Variants in CSMD2 observed in about 807,000 individuals in gnomAD.
CSMD2 encodes the protein CUB and Sushi multiple domains 2, also known as CUB and sushi domain-containing protein 2.
CSMD2 carries 130 observed loss-of-function variants against 398.5 expected under a neutral mutation model. The observed-to-expected ratio is 0.33, with a 90% confidence interval of 0.28 to 0.38. The LOEUF is 0.38. Ranked by LOEUF, CSMD2 falls within the 10% of genes least tolerant of loss-of-function variation. The probability of loss-of-function intolerance (pLI) is 1.00; values close to 1 mark genes in which losing one functional copy is unlikely to be tolerated. For missense variants in CSMD2, 3,829 were observed against 4,764.9 expected (o/e 0.80, Z 5.78); for synonymous variants, 1,828 against 1,908.5 (o/e 0.96, Z 1.10).
At chr1:34,066,932 T>G (rs903952945) in intron 2 of CSMD2, among the ~76,000 whole-genome samples, 2 of 152,096 alleles carry the variant, frequency 1.3e-5, no homozygotes, top group Non-Finnish European at 2.9e-5. Flanking sequence ...CTGGAAATGA[T>G]AGTGAAGCAA....
chr1:34,114,893 AAGTT>A (rs1247138817), intron 1 of CSMD2, among the ~76,000 whole-genome samples: 3 of 152,296 alleles, frequency 2.0e-5, no homozygotes, highest in East Asian at 3.9e-4. Context: ...TATCAACAAA[AAGTT>A]AGAAACTATA....
chr1:33,546,350 T>C, intron 56 of CSMD2, 131 bp from the exon 57 acceptor site: 2 of 805,730 alleles, frequency 2.5e-6, no homozygotes, highest in Non-Finnish European at 1.9e-6. Context: ...TAGCACAAGT[T>C]ACCTGCACAT....
intron 3 of CSMD2, among the ~76,000 whole-genome samples, chr1:33,980,714 A>G (rs1406365467): frequency 6.6e-6 from 1 of 152,202 alleles, no homozygotes. Context: ...CTAGAAGATT[A>G]GAGTCTAGTA....
chr1:34,159,340 C>CCCCCG (rs1557450794), intron 1 of CSMD2, among the ~76,000 whole-genome samples: 4 of 124,138 alleles, frequency 3.2e-5, no homozygotes, highest in Non-Finnish European at 5.0e-5. Flanking sequence ...CCCCCCCCCA[C>CCCCCG]CCAGGAGCTT....
intron 13 of CSMD2, among the ~76,000 whole-genome samples, chr1:33,765,710 A>G (rs1650403106): frequency 6.6e-6 from 1 of 152,260 alleles, no homozygotes; most frequent in South Asian, 2.1e-4. Flanking sequence ...ATGTAAGACA[A>G]CTATACAATG....
intron 6 of CSMD2, among the ~76,000 whole-genome samples, chr1:33,832,806 T>A (rs1443333696): frequency 6.6e-6 from 1 of 151,690 alleles, no homozygotes; most frequent in Non-Finnish European, 1.5e-5. Flanking sequence ...CAATAAAAAA[T>A]GATAAAGGGG....
chr1:34,162,194 A>AAG (rs1641399435), intron 1 of CSMD2, among the ~76,000 whole-genome samples: 1 of 132,006 alleles, frequency 7.6e-6, no homozygotes, highest in Non-Finnish European at 1.6e-5. Flanking sequence ...AAAAAAAAAA[A>AAG]GGGAGGATGA....
chr1:33,817,581 T>C (rs1481253939), intron 9 of CSMD2, among the ~76,000 whole-genome samples: 1 of 152,186 alleles, frequency 6.6e-6, no homozygotes, highest in Non-Finnish European at 1.5e-5. Flanking sequence ...CTGCAGCAAC[T>C]AGAGGCTGAG....
Position 33,541,134 on chromosome 1 carries a change from G to A in CSMD2, c.9453C>T (p.Cys3151=), listed in dbSNP as rs1201191645. The change falls in exon 59 of 71, where the codon TGC becomes TGT. Residue 3151 remains cysteine, a synonymous_variant. Coordinates refer to ENST00000373381, the MANE Select transcript of CSMD2 (RefSeq NM_001281956.2). ...CATTTGCAGCCCCAGACACACCTTT[G>A]CAGACGGGCTTGGTTCCATTCCATG... ...DRTWNGTKPV[C]KALMCKPPPL... 9 of 1,613,728 alleles carry A rather than the reference G, an allele frequency of 5.6e-6. No homozygotes were observed. The Admixed American group carries it at 1.0e-4, about 18-fold the overall frequency.
rs186867939 is a variant in CSMD2 at position 33,909,055 on chromosome 1, C to T, written c.920+9039G>A. ...AGGTCTGAGGCTCGGTTAGAATGGG[C>T]CTTATTCGCTTACCAGCTCAGCCAA... On this transcript the variant is annotated intron_variant, in intron 5 of 70. Transcript: ENST00000373381. Among the ~76,000 whole-genome samples, 16 of 152,258 alleles carry T rather than the reference C, an allele frequency of 1.1e-4. No homozygotes were observed. In the East Asian group the frequency reaches 2.5e-3, roughly 24 times the overall value.
chr1:33,633,525 G>A lies in CSMD2; in HGVS notation c.5097C>T (p.Gly1699=), dbSNP rs1166090605. The change falls in exon 32 of 71, where the codon GGC becomes GGT. Residue 1699 remains glycine, a synonymous_variant. Transcript: ENST00000373381. This position sits in a 1 kb window ranked among gnomAD's most constrained non-coding sequence, Gnocchi z 5.0. Reference sequence around the variant, plus strand: ...GGGCCGTGTGAAAGAAGGCGAACTGGCCAAACACCACTGTGGAGGAGACAC... The same window carrying A: ...GGGCCGTGTGAAAGAAGGCGAACTGACCAAACACCACTGTGGAGGAGACAC... The part of the protein sequence containing the change: ...VTVPKDYVVF[G]QFAFFHTALN... The A allele has an allele frequency of 1.9e-6, 3 of 1,552,028 alleles. No individual in the cohort carries two copies. The highest frequency in any genetic ancestry group is 1.2e-5 in the South Asian group (1 of 84,086).
intron 32 of CSMD2, among the ~76,000 whole-genome samples, chr1:33,630,345 G>A (rs1177121776): frequency 1.3e-5 from 2 of 152,148 alleles, no homozygotes; most frequent in African/African-American, 2.4e-5. Context: ...AAATTCATTT[G>A]GTTGAGAATC....
At chr1:33,719,228 T>C (rs1646275411) in intron 19 of CSMD2, among the ~76,000 whole-genome samples, 1 of 152,220 alleles carries the variant, frequency 6.6e-6, no homozygotes, top group African/African-American at 2.4e-5. Context: ...TCTCAGTCTA[T>C]ACAGCTTAGG....
At chr1:33,754,374 T>A (rs2149281566) in intron 13 of CSMD2, among the ~76,000 whole-genome samples, 1 of 152,340 alleles carries the variant, frequency 6.6e-6, no homozygotes, top group South Asian at 2.1e-4. Context: ...TCTTGCCATG[T>A]GATACACTGG....
intron 2 of CSMD2, among the ~76,000 whole-genome samples, chr1:34,056,106 G>C (rs1020105210): frequency 2.0e-5 from 3 of 152,132 alleles, no homozygotes; most frequent in African/African-American, 4.8e-5. Context: ...TGGTACACTC[G>C]CTTCAGCTCC....
Position 33,935,657 on chromosome 1 carries a change from G to A in CSMD2, c.712+103C>T. ...TCCAGACTTGGGTACCCCCCTCCCTGCTGGGGTGTAGCTTTGCCCTTTGAG... is the reference window on the plus strand; with the variant it reads ...TCCAGACTTGGGTACCCCCCTCCCTACTGGGGTGTAGCTTTGCCCTTTGAG... On this transcript the variant is annotated intron_variant, in intron 4 of 70. Transcript: ENST00000373381. 3 of 1,245,252 alleles carry A rather than the reference G, an allele frequency of 2.4e-6. No individual in the cohort carries two copies. In the South Asian group the frequency reaches 4.7e-5, roughly 19 times the overall value. The allele number at this position is 1,245,252 out of a possible 1,614,324, so 77.1% of individuals were successfully genotyped here.
chr1:33,685,748 TTC>T (rs896616988), intron 25 of CSMD2, among the ~76,000 whole-genome samples: 5 of 152,204 alleles, frequency 3.3e-5, no homozygotes, highest in African/African-American at 1.2e-4. Flanking sequence ...CCTCTCTCTC[TTC>T]TCTGTTACTG....
chr1:33,863,984 G>T (rs1479368432), intron 5 of CSMD2: 22 of 557,074 alleles, frequency 3.9e-5, no homozygotes, highest in Non-Finnish European at 6.6e-5. Context: ...TGTTGGCTGG[G>T]ATTGGCTGGC....
Position 34,040,267 on chromosome 1 carries a change from T to C in CSMD2, c.405-7561A>G, listed in dbSNP as rs2053219. On this transcript the variant is annotated intron_variant, in intron 2 of 70. Coordinates refer to ENST00000373381, the MANE Select transcript of CSMD2 (RefSeq NM_001281956.2). ...ACCCAATTGGGATCATCAGTTTGCATATGAAAGGCATACTTCCGGGAGAGC... is the reference window on the plus strand; with the variant it reads ...ACCCAATTGGGATCATCAGTTTGCACATGAAAGGCATACTTCCGGGAGAGC... Among the ~76,000 whole-genome samples the C allele has an allele frequency of 6.7e-3, 1,027 of 152,210 alleles. 13 individuals are homozygous for C. Among genetic ancestry groups the C allele is most frequent in the East Asian group, 0.049 (254 of 5,176 alleles).
Sources: gnomAD v4.1 joint callset for allele counts (sites outside exome capture counted in the v4.1 genomes callset) on GRCh38, gnomAD v4.1.1 for gene constraint, Gnocchi (gnomAD v3.1) non-coding constraint, MANE v1.5 for transcripts, NCBI Gene and HGNC (gene_info 2026-07-23, HGNC 2026-07-21) for gene names.